Variants in TRIM37 observed in about 807,000 individuals in gnomAD.
TRIM37 encodes E3 ubiquitin-protein ligase TRIM37.
Under a neutral mutation model 129.8 loss-of-function variants are expected in TRIM37, and 80 were observed. The ratio of observed to expected loss-of-function variants is 0.62; its 90% confidence interval spans 0.51 to 0.74. The LOEUF is 0.74. Ranked by LOEUF, TRIM37 falls within the 30% of genes least tolerant of loss-of-function variation. The pLI, the probability that TRIM37 is intolerant of heterozygous loss-of-function variation, is 0.00. For synonymous variants in TRIM37, 389 were observed against 387.1 expected, an observed-to-expected ratio of 1.00 and a Z score of -0.06; for missense variants, 1,054 against 1,176.5, an observed-to-expected ratio of 0.90 and a Z score of 1.52.
intron 1 of TRIM37, among the ~76,000 whole-genome samples, chr17:59,105,915 C>A (rs1476024185): frequency 6.6e-6 from 1 of 152,238 alleles, no homozygotes; most frequent in South Asian, 2.1e-4. Context: ...CATATCCCAA[C>A]TATTTTAACT....
chr17:58,995,008 C>A (rs568226315), downstream of TRIM37, among the ~76,000 whole-genome samples: 139 of 152,234 alleles, frequency 9.1e-4, no homozygotes, highest in Non-Finnish European at 1.7e-3. Flanking sequence ...CTCAGCCTCC[C>A]AAAGTACTGG....
downstream of TRIM37, chr17:58,979,981 T>A: frequency 6.2e-7 from 1 of 1,610,442 alleles, no homozygotes; most frequent in Non-Finnish European, 8.5e-7. Flanking sequence ...CAGGAGATGC[T>A]GAACATAAGC....
intron 17 of TRIM37, among the ~76,000 whole-genome samples, chr17:59,040,220 T>A (rs2039001429): frequency 6.6e-6 from 1 of 151,912 alleles, no homozygotes; most frequent in Non-Finnish European, 1.5e-5. Flanking sequence ...AGTAACATGA[T>A]TAGATATTAA....
At chr17:59,018,254 T>C (rs1300087540) in intron 19 of TRIM37, among the ~76,000 whole-genome samples, 3 of 152,146 alleles carry the variant, frequency 2.0e-5, no homozygotes, top group Non-Finnish European at 1.5e-5. Context: ...AAGAATGCTA[T>C]TGCCAGAAGG....
chr17:58,991,301 G>C (rs1276371899), intron 24 of TRIM37, among the ~76,000 whole-genome samples: 1 of 151,700 alleles, frequency 6.6e-6, no homozygotes, highest in Non-Finnish European at 1.5e-5. Flanking sequence ...TTTGGGAGGC[G>C]AAGGTGGGTG....
intron 20 of TRIM37, among the ~76,000 whole-genome samples, chr17:59,016,318 C>T (rs1305891747): frequency 2.7e-5 from 4 of 146,230 alleles, no homozygotes; most frequent in African/African-American, 7.6e-5. Context: ...CACTTGAACA[C>T]GGCGGGCGGA....
At chr17:59,018,216 G>C (rs1222598157) in intron 19 of TRIM37, among the ~76,000 whole-genome samples, 1 of 152,118 alleles carries the variant, frequency 6.6e-6, no homozygotes, top group Non-Finnish European at 1.5e-5. Context: ...AGATTCAAAA[G>C]CTAGGAAGAC....
At chr17:59,033,518 C>T (rs1223352650) in intron 17 of TRIM37, among the ~76,000 whole-genome samples, 5 of 152,058 alleles carry the variant, frequency 3.3e-5, no homozygotes, top group Non-Finnish European at 5.9e-5. Flanking sequence ...CGGCAACCTC[C>T]GCCTCCTGGG....
At chr17:59,074,654 A>C (rs2042656609) in intron 8 of TRIM37, among the ~76,000 whole-genome samples, 1 of 152,246 alleles carries the variant, frequency 6.6e-6, no homozygotes, top group Non-Finnish European at 1.5e-5. Context: ...GGAATCAGGA[A>C]ACATGAGATT....
intron 19 of TRIM37, among the ~76,000 whole-genome samples, chr17:59,023,679 A>G (rs1443410193): frequency 6.6e-6 from 1 of 152,006 alleles, no homozygotes; most frequent in Non-Finnish European, 1.5e-5. Flanking sequence ...CAAAAACAAA[A>G]AAGTACCTAT....
At chr17:59,061,636 C>T (rs2041503264) in intron 11 of TRIM37, among the ~76,000 whole-genome samples, 1 of 151,902 alleles carries the variant, frequency 6.6e-6, no homozygotes, top group Non-Finnish European at 1.5e-5. Flanking sequence ...TTACTCCCTC[C>T]CTTTTTGTTT....
chr17:58,985,667 C>A (rs1317143843), intron 24 of TRIM37, among the ~76,000 whole-genome samples: 1 of 152,128 alleles, frequency 6.6e-6, no homozygotes, highest in Non-Finnish European at 1.5e-5. Context: ...GGAGGGAAGT[C>A]ACTTACGACA....
At position 59,051,462 on chromosome 17, in the gene TRIM37, G is replaced by A. The variant is rs1236044774; in HGVS notation, c.1200-134C>T. ...CATAAACTTAGAGCTGCTAGTATTT[G>A]TTGTTTATAGATGTAGTCCACAGAT... is the stretch of plus-strand genomic sequence containing the variant. On this transcript the variant is annotated intron_variant, in intron 13 of 23. Coordinates refer to ENST00000262294, the MANE Select transcript of TRIM37 (RefSeq NM_015294.6). The A allele has an allele frequency of 5.7e-6, 4 of 698,066 alleles. No individual in the cohort carries two copies. The East Asian group carries it at 1.1e-4, about 19-fold the overall frequency. 43.2% of individuals were successfully genotyped at this position (698,066 alleles called of 1,614,324 possible). A position where few individuals can be genotyped will look rare whatever the true frequency, so the allele number is the denominator to read the frequency against.
rs775166925 is a variant in TRIM37 at position 59,079,767 on chromosome 17, A to C, written c.603T>G (p.Leu201=). 9 of 1,613,906 alleles carry C rather than the reference A, an allele frequency of 5.6e-6. No individual in the cohort carries two copies. The highest frequency in any genetic ancestry group is 5.0e-5 in the Admixed American group (3 of 59,994). ...ATAAACACTTACCCATCAGTGTTAT[A>C]AGCTTATTCTTCAGCTGTGTGTCTA... is the stretch of plus-strand genomic sequence containing the variant. The part of the protein sequence containing the change: ...ARLDTQLKNK[L]ITLMGQKTSL... Residue 201 remains leucine, a synonymous_variant, in exon 7 of 24, where the codon CTT becomes CTG. Transcript: ENST00000262294.
intron 4 of TRIM37, 26 bp from the exon 5 acceptor site, chr17:59,084,115 G>A (rs778461673): frequency 1.5e-5 from 23 of 1,572,510 alleles, no homozygotes; most frequent in Middle Eastern, 3.3e-4. Flanking sequence ...AGAAAATGAA[G>A]TTATAAATTA....
intron 22 of TRIM37, among the ~76,000 whole-genome samples, chr17:59,006,617 G>A (rs888297507): frequency 2.0e-4 from 30 of 152,108 alleles, no homozygotes; most frequent in African/African-American, 6.8e-4. Context: ...CTGGGTGCGC[G>A]GTGGCTCATG....
intron 11 of TRIM37, among the ~76,000 whole-genome samples, 173 bp from the exon 12 acceptor site, chr17:59,061,281 T>TA (rs929651741): frequency 1.3e-5 from 2 of 150,010 alleles, no homozygotes; most frequent in Admixed American, 6.7e-5. Flanking sequence ...TTTTGTGCAT[T>TA]AAAAAAAAAG....
chr17:59,023,489 T>C (rs986264631), intron 19 of TRIM37, among the ~76,000 whole-genome samples: 2 of 151,574 alleles, frequency 1.3e-5, no homozygotes, highest in African/African-American at 2.4e-5. Context: ...CCGTCTCTAC[T>C]AAAAAATACA....
chr17:59,031,361 T>G (rs1328702439), intron 18 of TRIM37, among the ~76,000 whole-genome samples: 1 of 152,190 alleles, frequency 6.6e-6, no homozygotes, highest in Non-Finnish European at 1.5e-5. Flanking sequence ...CCAAAATGAC[T>G]CTATCCCCGA....
Sources: allele counts gnomAD v4.1 joint callset (sites outside exome capture counted in the v4.1 genomes callset), GRCh38; gene constraint gnomAD v4.1.1; transcripts MANE v1.5; gene names NCBI Gene and HGNC (gene_info 2026-07-23, HGNC 2026-07-21).